FBXO34: variants seen among roughly 807,000 people sequenced by gnomAD.
FBXO34 encodes the protein F-box protein 34.
A neutral mutation model predicts 24.5 loss-of-function variants in FBXO34; 12 were observed. That is an observed-to-expected ratio of 0.49 (90% CI 0.31 to 0.79). The LOEUF (loss-of-function observed/expected upper bound fraction) is 0.79. Among genes scored for constraint, FBXO34 ranks in the 30% least tolerant of loss-of-function variants. The pLI is 0.04. For synonymous variants in FBXO34, 320 were observed against 311.9 expected, an observed-to-expected ratio of 1.03 and a Z score of -0.27; for missense variants, 823 against 857.7, an observed-to-expected ratio of 0.96 and a Z score of 0.51.
chr14:55,395,658 G>T, the FBXO34 span, among the ~76,000 whole-genome samples: 2 of 152,152 alleles, frequency 1.3e-5, no homozygotes, highest in African/African-American at 4.8e-5. Flanking sequence ...GAGTGTGTAT[G>T]ATAAATAATT....
At chr14:55,305,721 G>A (rs1192531061) in intron 1 of FBXO34, among the ~76,000 whole-genome samples, 1 of 151,988 alleles carries the variant, frequency 6.6e-6, no homozygotes, top group Admixed American at 6.6e-5. Context: ...CAGGTGAGGG[G>A]GAAAGTCAGC....
chr14:55,428,910 C>G, the FBXO34 span: 4 of 1,614,172 alleles, frequency 2.5e-6, no homozygotes, highest in Non-Finnish European at 3.4e-6. Flanking sequence ...AGGAATCTGG[C>G]AGGGAACCCA....
the FBXO34 span, among the ~76,000 whole-genome samples, chr14:55,419,350 C>G: frequency 6.6e-6 from 1 of 152,240 alleles, no homozygotes; most frequent in Non-Finnish European, 1.5e-5. Flanking sequence ...CAGTGTCTGT[C>G]ATATGAGTGC....
At chr14:55,355,293 G>A (rs1884503829), downstream of FBXO34, 1 of 152,192 alleles carries the variant, frequency 6.6e-6, no homozygotes, top group African/African-American at 2.4e-5. Context: ...CGAGAGGACT[G>A]TTCAAACCCT....
At chr14:55,369,429 A>G (rs1884760378), downstream of FBXO34, 2 of 483,790 alleles carry the variant, frequency 4.1e-6, no homozygotes, top group East Asian at 3.2e-5. Context: ...TATCATAAGC[A>G]TGTTGGTCAC....
intron 1 of FBXO34, among the ~76,000 whole-genome samples, chr14:55,297,141 G>C (rs553704484): frequency 6.6e-6 from 1 of 152,282 alleles, no homozygotes; most frequent in South Asian, 2.1e-4. Context: ...TTTTGAACCT[G>C]ATTGGCACAA....
chr14:55,384,349 T>A, the FBXO34 span, among the ~76,000 whole-genome samples: 2 of 152,208 alleles, frequency 1.3e-5, no homozygotes, highest in Admixed American at 1.3e-4. Context: ...TTCCCCAAAG[T>A]ATCAATTCAG....
At chr14:55,344,267 T>A (rs142759657) in intron 1 of FBXO34, among the ~76,000 whole-genome samples, 140 of 152,204 alleles carry the variant, frequency 9.2e-4, no homozygotes, top group Non-Finnish European at 1.6e-3. Flanking sequence ...TATCACCAAG[T>A]GGGCACAATT....
the FBXO34 span, chr14:55,411,680 G>T: frequency 6.2e-7 from 1 of 1,613,360 alleles, no homozygotes; most frequent in Non-Finnish European, 8.5e-7. Context: ...CCGGCGGGTA[G>T]TGTTGCACAG....
At chr14:55,307,433 C>T (rs1311638389) in intron 1 of FBXO34, among the ~76,000 whole-genome samples, 2 of 152,204 alleles carry the variant, frequency 1.3e-5, no homozygotes, top group Non-Finnish European at 2.9e-5. Context: ...GCATTTTTTC[C>T]CCCACTTCTG....
chr14:55,273,742 C>A (rs1013911427), intron 1 of FBXO34, among the ~76,000 whole-genome samples: 11 of 152,160 alleles, frequency 7.2e-5, no homozygotes, highest in Non-Finnish European at 1.6e-4. Context: ...TTGCATGTGT[C>A]TTTCCCGAGC....
the FBXO34 span, chr14:55,413,667 CT>C: frequency 1.2e-3 from 449 of 371,094 alleles, 1 homozygote; most frequent in African/African-American, 8.1e-3. Flanking sequence ...TCAGACACCT[CT>C]CCCTTTGACG....
At chr14:55,287,864 A>AATTGCCG (rs1594727439) in intron 1 of FBXO34, among the ~76,000 whole-genome samples, 2 of 152,242 alleles carry the variant, frequency 1.3e-5, no homozygotes, top group Admixed American at 1.3e-4. Flanking sequence ...TAATAAGCCC[A>AATTGCCG]ACATGCATTT....
At chr14:55,274,965 A>G (rs922145224) in intron 1 of FBXO34, among the ~76,000 whole-genome samples, 3 of 152,232 alleles carry the variant, frequency 2.0e-5, no homozygotes, top group Admixed American at 6.5e-5. Context: ...GTCCTTTGGA[A>G]GCAACAAAAA....
At chr14:55,368,609 T>A (rs1489207988), downstream of FBXO34, 1 of 152,244 alleles carries the variant, frequency 6.6e-6, no homozygotes, top group Non-Finnish European at 1.5e-5. Flanking sequence ...TGAGCAAAGC[T>A]GTGTCCTCAG....
intron 1 of FBXO34, among the ~76,000 whole-genome samples, chr14:55,326,338 A>G (rs1486899230): frequency 1.3e-5 from 2 of 152,232 alleles, no homozygotes; most frequent in Non-Finnish European, 2.9e-5. Flanking sequence ...AGGCAGAAGT[A>G]AAATGTGCTT....
downstream of FBXO34, among the ~76,000 whole-genome samples, chr14:55,373,682 C>T (rs1390040233): frequency 6.6e-6 from 1 of 152,034 alleles, no homozygotes; most frequent in African/African-American, 2.4e-5. Flanking sequence ...TGGTCTCAAA[C>T]TCCTGAACTC....
intron 1 of FBXO34, among the ~76,000 whole-genome samples, chr14:55,281,070 T>C (rs540021409): frequency 6.6e-6 from 1 of 152,192 alleles, no homozygotes; most frequent in Admixed American, 6.5e-5. Flanking sequence ...TGAAATAGTT[T>C]ACAGTCTGGT....
chr14:55,325,994 G>C (rs1883330156), intron 1 of FBXO34: 1 of 152,220 alleles, frequency 6.6e-6, no homozygotes, highest in Non-Finnish European at 1.5e-5. Context: ...ACTCATTCTT[G>C]AAGTGGGGCA....
Sources: allele counts gnomAD v4.1 joint callset (sites outside exome capture counted in the v4.1 genomes callset), GRCh38; gene constraint gnomAD v4.1.1; transcripts MANE v1.5; gene names NCBI Gene and HGNC (gene_info 2026-07-23, HGNC 2026-07-21).